MNAT1: variants seen among roughly 807,000 people sequenced by gnomAD.
MNAT1 encodes CDK-activating kinase assembly factor MAT1.
MNAT1 carries 43 observed loss-of-function variants against 42.0 expected under a neutral mutation model. The ratio of observed to expected loss-of-function variants is 1.02; its 90% CI spans 0.80 to 1.32. MNAT1 has a LOEUF of 1.32. Ranked by LOEUF, MNAT1 falls within the 40% of genes most tolerant of loss-of-function variation. The probability of loss-of-function intolerance (pLI) is 0.00; values close to 1 mark genes in which losing one functional copy is unlikely to be tolerated. For synonymous variants in MNAT1, 118 were observed against 120.0 expected (o/e 0.98, Z 0.11); for missense variants, 306 against 350.4 (o/e 0.87, Z 1.01).
At chr14:60,845,526 C>T (rs2033660445) in intron 6 of MNAT1, among the ~76,000 whole-genome samples, 1 of 151,948 alleles carries the variant, frequency 6.6e-6, no homozygotes, top group African/African-American at 2.4e-5. Flanking sequence ...TTTTCTTAAA[C>T]AGTTATTGAA....
At chr14:60,776,984 A>G (rs561193816) in intron 1 of MNAT1, among the ~76,000 whole-genome samples, 8 of 152,078 alleles carry the variant, frequency 5.3e-5, no homozygotes, top group Admixed American at 5.2e-4. Context: ...AGTAGCTGGG[A>G]TTACAGGTGC....
rs146786617 is a variant in MNAT1 at position 60,926,322 on chromosome 14, T to C, written c.810-41907T>C. 4.6e-3 allele frequency among the ~76,000 whole-genome samples: 696 copies of C among 152,322 alleles called. 9 individuals carry two copies. Among genetic ancestry groups the C allele is most frequent in the African/African-American group, 0.015 (622 of 41,582 alleles). On this transcript the variant is annotated intron_variant, in intron 7 of 7. Transcript: ENST00000261245. The stretch of plus-strand genomic sequence containing the variant: ...ACCAACTGGGCGTCCTCTAATTCAG[T>C]TCTGTTCTGACACTGTCTATCTGAA...
At chr14:60,809,673 T>A (rs1006654607) in intron 4 of MNAT1, among the ~76,000 whole-genome samples, 4 of 152,168 alleles carry the variant, frequency 2.6e-5, no homozygotes, top group African/African-American at 9.6e-5. Flanking sequence ...TGATTTTGTA[T>A]GTCAAACCAT....
chr14:60,888,693 A>C (rs1488206010), intron 7 of MNAT1, among the ~76,000 whole-genome samples: 51 of 146,446 alleles, frequency 3.5e-4, no homozygotes, highest in African/African-American at 1.2e-3. Context: ...GTATATCTAG[A>C]AAACCCCATC....
At chr14:60,802,932 T>C (rs898825102) in intron 3 of MNAT1, among the ~76,000 whole-genome samples, 1 of 131,440 alleles carries the variant, frequency 7.6e-6, no homozygotes, top group African/African-American at 2.9e-5. Flanking sequence ...TAAATAAAAC[T>C]TTTTTTTTTT....
intron 6 of MNAT1, among the ~76,000 whole-genome samples, chr14:60,840,824 C>T (rs903315361): frequency 1.1e-4 from 17 of 152,060 alleles, no homozygotes; most frequent in Non-Finnish European, 2.9e-5. Context: ...CCACCATACC[C>T]GGCTAATTCT....
At chr14:60,838,423 C>T (rs2033455986) in intron 6 of MNAT1, among the ~76,000 whole-genome samples, 1 of 152,208 alleles carries the variant, frequency 6.6e-6, no homozygotes, top group African/African-American at 2.4e-5. Context: ...TAAGCCACTA[C>T]ACTGAGCCCT....
intron 7 of MNAT1, among the ~76,000 whole-genome samples, chr14:60,946,410 A>G (rs1375250608): frequency 6.6e-6 from 1 of 152,196 alleles, no homozygotes; most frequent in Non-Finnish European, 1.5e-5. Context: ...GCTAATTACA[A>G]AATTTGGTGG....
chr14:60,958,232 C>T (rs558893496), intron 7 of MNAT1, among the ~76,000 whole-genome samples: 1 of 152,284 alleles, frequency 6.6e-6, no homozygotes, highest in South Asian at 2.1e-4. Context: ...GATGAACTCC[C>T]TCAGTTTTGT....
chr14:60,807,346 T>TAGA, intron 3 of MNAT1, among the ~76,000 whole-genome samples: 1 of 152,226 alleles, frequency 6.6e-6, no homozygotes, highest in African/African-American at 2.4e-5. Flanking sequence ...AAGCAATCTG[T>TAGA]AGAAACCCAA....
At chr14:60,953,952 TG>T (rs1341004472) in intron 7 of MNAT1, among the ~76,000 whole-genome samples, 1 of 152,204 alleles carries the variant, frequency 6.6e-6, no homozygotes, top group Non-Finnish European at 1.5e-5. Flanking sequence ...TCCAGTCATT[TG>T]CCCATTTTTT....
chr14:60,832,548 G>A (rs188072033), intron 6 of MNAT1, among the ~76,000 whole-genome samples: 1 of 152,028 alleles, frequency 6.6e-6, no homozygotes, highest in Non-Finnish European at 1.5e-5. Flanking sequence ...TATCTGTTTT[G>A]GTACCAGTAC....
chr14:60,747,049 G>A (rs1340111412), intron 1 of MNAT1, among the ~76,000 whole-genome samples: 3 of 144,212 alleles, frequency 2.1e-5, no homozygotes, highest in Admixed American at 7.0e-5. Flanking sequence ...ACAGTGGTGC[G>A]ATCTCGGCTC....
chr14:60,866,755 T>C (rs1260785043), intron 6 of MNAT1, among the ~76,000 whole-genome samples: 1 of 152,100 alleles, frequency 6.6e-6, no homozygotes, highest in Non-Finnish European at 1.5e-5. Flanking sequence ...AGTTTAGTTG[T>C]AATTATATAT....
chr14:60,903,832 AGTTTT>A (rs1200826317), intron 7 of MNAT1, among the ~76,000 whole-genome samples: 1 of 145,902 alleles, frequency 6.9e-6, no homozygotes, highest in Non-Finnish European at 1.5e-5. Flanking sequence ...GTTTCATTTA[AGTTTT>A]GTTTTGTTTT....
At chr14:60,910,331 G>T (rs1458971556) in intron 7 of MNAT1, among the ~76,000 whole-genome samples, 1 of 152,100 alleles carries the variant, frequency 6.6e-6, no homozygotes, top group Non-Finnish European at 1.5e-5. Flanking sequence ...TCTCCTGCCT[G>T]ATTGCCCTGG....
intron 6 of MNAT1, among the ~76,000 whole-genome samples, chr14:60,854,659 T>C (rs190612946): frequency 1.3e-5 from 2 of 152,300 alleles, no homozygotes; most frequent in African/African-American, 2.4e-5. Flanking sequence ...TGCTGCCTGC[T>C]CCTTCCTCTG....
chr14:60,912,362 T>G (rs1204915384), intron 7 of MNAT1, among the ~76,000 whole-genome samples: 2 of 152,138 alleles, frequency 1.3e-5, no homozygotes, highest in Non-Finnish European at 2.9e-5. Context: ...GATCCTGTCA[T>G]TATGATGTTA....
At chr14:60,865,831 T>C (rs775191534) in intron 6 of MNAT1, among the ~76,000 whole-genome samples, 9 of 152,250 alleles carry the variant, frequency 5.9e-5, no homozygotes, top group South Asian at 2.1e-4. Flanking sequence ...GCCTAGTGTT[T>C]CTTCTTCCTT....
Sources: allele counts gnomAD v4.1 joint callset (sites outside exome capture counted in the v4.1 genomes callset), GRCh38; gene constraint gnomAD v4.1.1; transcripts MANE v1.5; gene names NCBI Gene and HGNC (gene_info 2026-07-23, HGNC 2026-07-21).